Variants in NR3C2 observed in about 807,000 individuals in gnomAD.
NR3C2 encodes mineralocorticoid receptor.
In NR3C2, 15 loss-of-function variants were observed where a neutral mutation model predicts 86.4. The observed-to-expected ratio is 0.17, with a 90% CI of 0.12 to 0.27. NR3C2 has a LOEUF of 0.27. Among genes scored for constraint, NR3C2 ranks in the 10% least tolerant of loss-of-function variants. The pLI is 1.00. For synonymous variants in NR3C2, 458 were observed against 450.5 expected (o/e 1.02, Z -0.21); for missense variants, 960 against 1,195.6 (o/e 0.80, Z 2.91).
chr4:148,371,323 AC>A (rs1373654390), intron 2 of NR3C2, among the ~76,000 whole-genome samples: 3 of 151,884 alleles, frequency 2.0e-5, no homozygotes, highest in African/African-American at 7.3e-5. Flanking sequence ...TTTCTCTTGC[AC>A]CCCCTCTTGC....
chr4:148,350,451 C>T (rs1579192485), intron 2 of NR3C2, among the ~76,000 whole-genome samples: 1 of 152,058 alleles, frequency 6.6e-6, no homozygotes, highest in Admixed American at 6.6e-5. Context: ...GATACTAATA[C>T]ATTAATAGAA....
At chr4:148,400,467 TATAG>T (rs1748092214) in intron 2 of NR3C2, among the ~76,000 whole-genome samples, 1 of 152,200 alleles carries the variant, frequency 6.6e-6, no homozygotes, top group African/African-American at 2.4e-5. Context: ...TACATATATA[TATAG>T]AGAGTTTACA....
chr4:148,287,612 A>C (rs963715672), intron 2 of NR3C2, among the ~76,000 whole-genome samples: 1 of 152,220 alleles, frequency 6.6e-6, no homozygotes, highest in Non-Finnish European at 1.5e-5. Flanking sequence ...ATTAAGGCAA[A>C]TACCATTAAA....
intron 6 of NR3C2, among the ~76,000 whole-genome samples, chr4:148,133,130 A>C (rs374907010): frequency 1.5e-4 from 23 of 151,488 alleles, no homozygotes; most frequent in East Asian, 9.7e-4. Context: ...GAAGCTGAGG[A>C]CGCGGTGAGC....
intron 2 of NR3C2, among the ~76,000 whole-genome samples, chr4:148,354,017 C>T (rs1196880463): frequency 6.6e-6 from 1 of 152,066 alleles, no homozygotes; most frequent in Admixed American, 6.6e-5. Context: ...AGATATTATA[C>T]TGCTAGACAT....
chr4:148,217,605 T>C (rs981851743), intron 3 of NR3C2, among the ~76,000 whole-genome samples: 3 of 152,220 alleles, frequency 2.0e-5, no homozygotes, highest in East Asian at 3.8e-4. Context: ...CATCTTTTCT[T>C]TTTGCTGACC....
At chr4:148,442,535 T>C (rs914776782), upstream of NR3C2, 3 of 509,994 alleles carry the variant, frequency 5.9e-6, no homozygotes, top group African/African-American at 6.2e-5. Flanking sequence ...GCGGGTCACA[T>C]GTCCAGATAA....
chr4:148,238,138 C>T (rs1017957313), intron 3 of NR3C2, among the ~76,000 whole-genome samples: 1 of 152,092 alleles, frequency 6.6e-6, no homozygotes, highest in Non-Finnish European at 1.5e-5. Context: ...TTCAGGCATC[C>T]TCGCTTAAGA....
chr4:148,314,365 T>C (rs1182556855), intron 2 of NR3C2, among the ~76,000 whole-genome samples: 1 of 152,160 alleles, frequency 6.6e-6, no homozygotes, highest in Non-Finnish European at 1.5e-5. Context: ...TAACTATGCT[T>C]AAAATATTAG....
chr4:148,369,351 C>A (rs1335991471), intron 2 of NR3C2, among the ~76,000 whole-genome samples: 1 of 152,152 alleles, frequency 6.6e-6, no homozygotes, highest in Non-Finnish European at 1.5e-5. Flanking sequence ...AATACCATTT[C>A]ATATTAGCAT....
chr4:148,341,906 A>T (rs769458944), intron 2 of NR3C2, among the ~76,000 whole-genome samples: 3 of 152,194 alleles, frequency 2.0e-5, no homozygotes, highest in Non-Finnish European at 2.9e-5. Flanking sequence ...ATTGAGGTAT[A>T]CCCAAACCCT....
rs369015044 is a variant in NR3C2 at position 148,219,699 on chromosome 4, GTCT to G, written c.1898-24840_1898-24838del. Among the ~76,000 whole-genome samples the G allele has an allele frequency of 8.1e-3, 1,227 of 152,156 alleles. 13 individuals carry two copies. The highest frequency in any genetic ancestry group is 0.028 in the African/African-American group (1,169 of 41,494). On this transcript the variant is annotated intron_variant, in intron 3 of 8. Transcript: ENST00000358102. ...TTCAAAACAACAGAAGAATCCAGAT[GTCT>G]TCTATTAACCAGATGTTGGAAAGGT...
intron 2 of NR3C2, among the ~76,000 whole-genome samples, chr4:148,263,808 C>T (rs1437386636): frequency 6.6e-6 from 1 of 152,144 alleles, no homozygotes; most frequent in Non-Finnish European, 1.5e-5. Flanking sequence ...CCCTGATGTT[C>T]CCCCAGCATG....
intron 6 of NR3C2, among the ~76,000 whole-genome samples, chr4:148,120,585 G>A (rs1732468806): frequency 6.6e-6 from 1 of 152,194 alleles, no homozygotes; most frequent in Non-Finnish European, 1.5e-5. Flanking sequence ...AATACTGACT[G>A]ATGAGGATTT....
At chr4:148,431,785 G>C (rs1349320125) in intron 2 of NR3C2, among the ~76,000 whole-genome samples, 1 of 152,060 alleles carries the variant, frequency 6.6e-6, no homozygotes, top group Non-Finnish European at 1.5e-5. Flanking sequence ...ATAATATTCA[G>C]TAACACTAAT....
chr4:148,429,224 T>C (rs934599869), intron 2 of NR3C2, among the ~76,000 whole-genome samples: 1 of 152,216 alleles, frequency 6.6e-6, no homozygotes, highest in East Asian at 1.9e-4. Context: ...AAAGTCAATT[T>C]TGCCACTTAC....
intron 3 of NR3C2, among the ~76,000 whole-genome samples, chr4:148,243,721 A>G (rs1466046821): frequency 6.6e-6 from 1 of 152,220 alleles, no homozygotes; most frequent in African/African-American, 2.4e-5. Flanking sequence ...CTGTCAAAGA[A>G]AATATACAAT....
At chr4:148,312,918 T>G (rs940358641) in intron 2 of NR3C2, among the ~76,000 whole-genome samples, 1 of 152,196 alleles carries the variant, frequency 6.6e-6, no homozygotes, top group Non-Finnish European at 1.5e-5. Context: ...AAAACGCTTT[T>G]TACTTTGAGA....
intron 2 of NR3C2, among the ~76,000 whole-genome samples, chr4:148,297,228 A>C (rs1655060900): frequency 2.0e-5 from 3 of 152,228 alleles, no homozygotes; most frequent in Admixed American, 6.5e-5. Context: ...CATCTATTAA[A>C]AACATAAATT....
Sources: gnomAD v4.1 joint callset for allele counts (sites outside exome capture counted in the v4.1 genomes callset) on GRCh38, gnomAD v4.1.1 for gene constraint, MANE v1.5 for transcripts, NCBI Gene and HGNC (gene_info 2026-07-23, HGNC 2026-07-21) for gene names.